SLIT2: variants seen among roughly 807,000 people sequenced by gnomAD.
SLIT2 encodes slit homolog 2 protein.
SLIT2 carries 41 observed loss-of-function variants against 185.7 expected under a neutral mutation model. That is an observed-to-expected ratio of 0.22 (90% CI 0.17 to 0.29). SLIT2 has a LOEUF of 0.29. Ranked by LOEUF, SLIT2 falls within the 10% of genes least tolerant of loss-of-function variation. The pLI, the probability that SLIT2 is intolerant of heterozygous loss-of-function variation, is 1.00. For synonymous variants in SLIT2, 693 were observed against 680.2 expected (o/e 1.02, Z -0.29); for missense variants, 1,571 against 1,909.0 (o/e 0.82, Z 3.30).
chr4:20,528,794 C>A lies in SLIT2; in HGVS notation c.1463-155C>A, dbSNP rs1188645809. ...TTTTTCCAGAAAATTCCAAGCCTTT[C>A]TTTTAACCTTTCTCCTGACATCCAT... On this transcript the variant is annotated intron_variant, in intron 15 of 36. Transcript: ENST00000504154. The surrounding 1 kb of genome is among the most constrained non-coding windows in gnomAD (Gnocchi z 4.2). 6.6e-6 allele frequency among the ~76,000 whole-genome samples: 1 copy of A among 152,150 alleles called. No individual in the cohort carries two copies. The highest frequency in any genetic ancestry group is 1.5e-5 in the Non-Finnish European group (1 of 68,024).
chr4:20,369,202 T>C (rs1560360243), intron 4 of SLIT2, among the ~76,000 whole-genome samples: 1 of 152,088 alleles, frequency 6.6e-6, no homozygotes, highest in Non-Finnish European at 1.5e-5. Context: ...AAGTTCCTTC[T>C]GGTTTGTGTG....
chr4:20,503,359 C>T (rs931002344), intron 9 of SLIT2, among the ~76,000 whole-genome samples: 8 of 152,020 alleles, frequency 5.3e-5, no homozygotes, highest in Admixed American at 1.3e-4. Flanking sequence ...TTTTTTAAAA[C>T]TAAAATAATT....
At chr4:20,437,645 G>T (rs1168562036) in intron 4 of SLIT2, among the ~76,000 whole-genome samples, 1 of 151,814 alleles carries the variant, frequency 6.6e-6, no homozygotes, top group African/African-American at 2.4e-5. Flanking sequence ...GAGCGTGGTG[G>T]CTCATGCCTG....
At chr4:20,255,013 C>T (rs1711636734) in intron 1 of SLIT2, 1 of 456,196 alleles carries the variant, frequency 2.2e-6, no homozygotes, top group Non-Finnish European at 4.4e-6. Flanking sequence ...CGAAGTGGAG[C>T]ATGGAGGCCG....
intron 4 of SLIT2, among the ~76,000 whole-genome samples, chr4:20,458,492 T>G (rs527319254): frequency 2.6e-5 from 4 of 152,326 alleles, no homozygotes; most frequent in South Asian, 2.1e-4. Context: ...TATAGATTCC[T>G]GGACCTCTTC....
At chr4:20,304,610 G>A (rs1404777932) in intron 4 of SLIT2, among the ~76,000 whole-genome samples, 1 of 152,108 alleles carries the variant, frequency 6.6e-6, no homozygotes, top group Admixed American at 6.5e-5. Flanking sequence ...TGTGGTTAGA[G>A]TGCACCATCT....
rs753441273 is a variant in SLIT2, at chr4:20,542,474, G to C, written c.2144-20G>C. ...CAAGACCACAAATCTTGGTTTTCCTGTATTTCCTCTGCGATTTAGGAAATG... is the reference window on the plus strand; with the variant it reads ...CAAGACCACAAATCTTGGTTTTCCTCTATTTCCTCTGCGATTTAGGAAATG... On this transcript the variant is annotated intron_variant, in intron 20 of 36. Coordinates refer to ENST00000504154, the MANE Select transcript of SLIT2 (RefSeq NM_004787.4). The C allele has an allele frequency of 1.6e-5, 25 of 1,612,208 alleles. No individual in the cohort carries two copies. Among genetic ancestry groups the C allele is most frequent in the Non-Finnish European group, 2.1e-5 (25 of 1,178,970 alleles).
Position 20,528,424 on chromosome 4 carries a change from T to A in SLIT2, c.1463-525T>A, listed in dbSNP as rs1223173344. ...TGAGGCTTAAATCAGGATTTTCCTG[T>A]CTCTTTCTACAAAATCAAAATGAAA... On this transcript the variant is annotated intron_variant, in intron 15 of 36. Coordinates refer to ENST00000504154, the MANE Select transcript of SLIT2 (RefSeq NM_004787.4). This position sits in a 1 kb window ranked among gnomAD's most constrained non-coding sequence, Gnocchi z 4.2. 9 of 505,450 alleles carry A rather than the reference T, an allele frequency of 1.8e-5. No individual in the cohort carries two copies. The highest frequency in any genetic ancestry group is 8.3e-5 in the Admixed American group (4 of 47,932). 31.3% of individuals were successfully genotyped at this position (505,450 alleles called of 1,614,324 possible).
intron 4 of SLIT2, among the ~76,000 whole-genome samples, chr4:20,369,858 T>C (rs1393503386): frequency 6.6e-6 from 1 of 152,138 alleles, no homozygotes; most frequent in East Asian, 1.9e-4. Context: ...GTCTTTGATA[T>C]CTTCTTAGAG....
chr4:20,525,453 T>G (rs375288237), intron 15 of SLIT2, among the ~76,000 whole-genome samples: 2 of 152,156 alleles, frequency 1.3e-5, no homozygotes, highest in African/African-American at 4.8e-5. Context: ...TTTGAAGCTA[T>G]GGCTTTCTAC....
intron 6 of SLIT2, 44 bp downstream of exon 6, chr4:20,480,831 G>T: frequency 7.1e-7 from 1 of 1,404,042 alleles, no homozygotes; most frequent in Non-Finnish European, 1.0e-6. Context: ...GGGGCTTTGT[G>T]TCTGGACAGG....
At chr4:20,580,004 CATAT>C in intron 29 of SLIT2, among the ~76,000 whole-genome samples, 1 of 142,750 alleles carries the variant, frequency 7.0e-6, no homozygotes, top group Middle Eastern at 3.4e-3. Context: ...TGTAATATAT[CATAT>C]ATAATATATT....
chr4:20,457,932 A>G (rs973666757), intron 4 of SLIT2, among the ~76,000 whole-genome samples: 1 of 152,142 alleles, frequency 6.6e-6, no homozygotes, highest in Non-Finnish European at 1.5e-5. Context: ...AGTGCTTGGT[A>G]TTATTTTTTC....
At chr4:20,318,893 C>T (rs947234899) in intron 4 of SLIT2, among the ~76,000 whole-genome samples, 1 of 152,090 alleles carries the variant, frequency 6.6e-6, no homozygotes, top group Non-Finnish European at 1.5e-5. Context: ...AGGCTTCTTA[C>T]GTATGGTTAA....
intron 4 of SLIT2, among the ~76,000 whole-genome samples, chr4:20,458,620 G>A: frequency 6.6e-6 from 1 of 152,172 alleles, no homozygotes; most frequent in Non-Finnish European, 1.5e-5. Flanking sequence ...CACAGCTCCA[G>A]GGTGATTGAA....
chr4:20,268,246 AGGGTTGGAAGCTGT>A (rs1474019009), intron 3 of SLIT2, among the ~76,000 whole-genome samples: 4 of 151,942 alleles, frequency 2.6e-5, no homozygotes, highest in African/African-American at 9.7e-5. Context: ...AATTCAGTTA[AGGGTTGGAAGCTGT>A]GGGTTGAGGT....
chr4:20,392,785 C>T (rs1725531990), intron 4 of SLIT2, among the ~76,000 whole-genome samples: 1 of 151,960 alleles, frequency 6.6e-6, no homozygotes, highest in African/African-American at 2.4e-5. Flanking sequence ...CTGTCTTCTC[C>T]CTCCATATCT....
At chr4:20,605,282 C>G (rs1728703720) in intron 33 of SLIT2, among the ~76,000 whole-genome samples, 1 of 152,190 alleles carries the variant, frequency 6.6e-6, no homozygotes, top group African/African-American at 2.4e-5. Context: ...CATTTTAAAG[C>G]CCCTCTTTTA....
At chr4:20,448,472 A>C (rs7696707) in intron 4 of SLIT2, among the ~76,000 whole-genome samples, 113,415 of 151,610 alleles carry the variant, frequency 0.75, 42,755 homozygotes, top group African/African-American at 0.84. Flanking sequence ...CAACATGAGC[A>C]ACTACACCCA....
Sources: gnomAD v4.1 joint callset for allele counts (sites outside exome capture counted in the v4.1 genomes callset) on GRCh38, gnomAD v4.1.1 for gene constraint, Gnocchi (gnomAD v3.1) non-coding constraint, MANE v1.5 for transcripts, NCBI Gene and HGNC (gene_info 2026-07-23, HGNC 2026-07-21) for gene names.